Variants in DSCAM observed in about 807,000 individuals in gnomAD.
The protein encoded by DSCAM is cell adhesion molecule DSCAM.
Under a neutral mutation model 217.7 loss-of-function variants are expected in DSCAM, and 47 were observed. The observed-to-expected ratio is 0.22, with a 90% CI of 0.17 to 0.28. DSCAM has a LOEUF of 0.28. Among genes scored for constraint, DSCAM ranks in the 10% least tolerant of loss-of-function variants. The probability of loss-of-function intolerance (pLI) is 1.00; values close to 1 mark genes in which losing one functional copy is unlikely to be tolerated. For synonymous variants in DSCAM, 1,056 were observed against 1,015.3 expected (o/e 1.04, Z -0.76); for missense variants, 2,080 against 2,618.3 (o/e 0.79, Z 4.49).
At chr21:40,111,780 A>G (rs1310795369) in intron 20 of DSCAM, among the ~76,000 whole-genome samples, 1 of 152,124 alleles carries the variant, frequency 6.6e-6, no homozygotes, top group East Asian at 1.9e-4. Context: ...TCTCTGATAA[A>G]ACAGACTTGA....
At chr21:40,061,868 C>A (rs931307599) in intron 28 of DSCAM, among the ~76,000 whole-genome samples, 5 of 152,186 alleles carry the variant, frequency 3.3e-5, no homozygotes, top group African/African-American at 1.2e-4. Context: ...CTCTCTCCCA[C>A]GTAAATCATC....
At position 40,748,705 on chromosome 21, in the gene DSCAM, A is replaced by T. The variant is rs143567275; in HGVS notation, c.44-39934T>A. The stretch of plus-strand genomic sequence containing the variant: ...AATCTCTATAATAAAAATCTCAATG[A>T]CATTCTTCACTGCAATAGAAATAAC... On this transcript the variant is annotated intron_variant, in intron 1 of 32. Coordinates refer to ENST00000400454, the MANE Select transcript of DSCAM (RefSeq NM_001389.5). Among the ~76,000 whole-genome samples, 1,046 of 152,206 alleles carry T rather than the reference A, an allele frequency of 6.9e-3. 14 individuals are homozygous for T. The highest frequency in any genetic ancestry group is 0.024 in the African/African-American group (998 of 41,562).
At chr21:40,733,868 AC>A (rs1447472069) in intron 1 of DSCAM, among the ~76,000 whole-genome samples, 2 of 152,062 alleles carry the variant, frequency 1.3e-5, no homozygotes, top group African/African-American at 4.8e-5. Context: ...CATTGCTGCC[AC>A]CCGTCAGCAC....
chr21:40,022,857 T>C (rs2088299695), intron 32 of DSCAM, among the ~76,000 whole-genome samples: 1 of 152,144 alleles, frequency 6.6e-6, no homozygotes, highest in East Asian at 1.9e-4. Context: ...GGATGTATTT[T>C]AGCAGTATTT....
intron 3 of DSCAM, among the ~76,000 whole-genome samples, chr21:40,423,228 T>C (rs1456758012): frequency 6.6e-6 from 1 of 152,226 alleles, no homozygotes; most frequent in Non-Finnish European, 1.5e-5. Context: ...TAACAGCAAA[T>C]ATATTCATTC....
At chr21:40,549,111 G>A (rs775117438) in intron 3 of DSCAM, among the ~76,000 whole-genome samples, 3 of 152,202 alleles carry the variant, frequency 2.0e-5, no homozygotes, top group African/African-American at 2.4e-5. Context: ...AGGCTGAGGC[G>A]TGAGGATCAC....
chr21:40,499,991 G>A (rs1414737322), intron 3 of DSCAM, among the ~76,000 whole-genome samples: 2 of 152,108 alleles, frequency 1.3e-5, no homozygotes, highest in African/African-American at 2.4e-5. Flanking sequence ...ATGTTGGCTA[G>A]GATGGTCTCG....
At chr21:40,376,796 C>A (rs2123717960) in intron 3 of DSCAM, among the ~76,000 whole-genome samples, 1 of 150,668 alleles carries the variant, frequency 6.6e-6, no homozygotes, top group Admixed American at 6.6e-5. Flanking sequence ...AATTGAGTTG[C>A]CAGATAAAAA....
intron 3 of DSCAM, among the ~76,000 whole-genome samples, chr21:40,570,717 G>A (rs1601753021): frequency 6.6e-6 from 1 of 152,314 alleles, no homozygotes; most frequent in Middle Eastern, 3.4e-3. Flanking sequence ...GAACTATCAG[G>A]ACGTAACTGT....
chr21:40,381,674 G>T lies in DSCAM; in HGVS notation c.509-12429C>A, dbSNP rs528281028. 8.5e-5 allele frequency among the ~76,000 whole-genome samples: 13 copies of T among 152,252 alleles called. No homozygotes were observed. In the East Asian group the frequency reaches 2.5e-3, roughly 29 times the overall value. ...CCTGATACAGATGGCATAGGATTATGGGAAAGAATCTGGAAAAATAGGAAC... is the reference window on the plus strand; with the variant it reads ...CCTGATACAGATGGCATAGGATTATTGGAAAGAATCTGGAAAAATAGGAAC... On this transcript the variant is annotated intron_variant, in intron 3 of 32. Transcript: ENST00000400454.
At chr21:40,132,576 C>G (rs905120187) in intron 19 of DSCAM, among the ~76,000 whole-genome samples, 8 of 152,122 alleles carry the variant, frequency 5.3e-5, no homozygotes, top group African/African-American at 1.9e-4. Flanking sequence ...AAAACTAAAG[C>G]AAATGAGGAT....
intron 3 of DSCAM, among the ~76,000 whole-genome samples, chr21:40,603,607 G>A (rs950560577): frequency 6.6e-6 from 1 of 152,014 alleles, no homozygotes; most frequent in Non-Finnish European, 1.5e-5. Context: ...AGGTTTACTG[G>A]TAACAAATTC....
At chr21:40,397,068 G>C (rs1243884960) in intron 3 of DSCAM, among the ~76,000 whole-genome samples, 2 of 152,050 alleles carry the variant, frequency 1.3e-5, no homozygotes, top group African/African-American at 2.4e-5. Flanking sequence ...TGGTTACATT[G>C]CTTTCATCCT....
chr21:40,355,732 A>C (rs1349221155), intron 4 of DSCAM, among the ~76,000 whole-genome samples: 1 of 152,182 alleles, frequency 6.6e-6, no homozygotes, highest in Non-Finnish European at 1.5e-5. Flanking sequence ...GACTCTTTTG[A>C]TCTACCTGCA....
intron 1 of DSCAM, among the ~76,000 whole-genome samples, chr21:40,767,621 G>T (rs983916051): frequency 6.6e-6 from 1 of 152,174 alleles, no homozygotes; most frequent in Non-Finnish European, 1.5e-5. Context: ...TCAGCCTGTC[G>T]TATATTTAGA....
intron 3 of DSCAM, among the ~76,000 whole-genome samples, chr21:40,660,126 A>G (rs971563111): frequency 1.4e-4 from 22 of 152,326 alleles, no homozygotes; most frequent in Non-Finnish European, 2.6e-4. Context: ...ATCTCAGGAA[A>G]CTGAAACTCC....
intron 18 of DSCAM, among the ~76,000 whole-genome samples, chr21:40,135,473 C>G (rs1453828855): frequency 2.0e-5 from 3 of 152,222 alleles, no homozygotes; most frequent in Admixed American, 6.5e-5. Context: ...TCAAGGAGCC[C>G]AGCACAGTGG....
chr21:40,259,063 G>A (rs59402426), intron 11 of DSCAM, among the ~76,000 whole-genome samples: 11,728 of 152,190 alleles, frequency 0.077, 1,026 homozygotes, highest in East Asian at 0.22. Flanking sequence ...TATTTCTAAC[G>A]TCTGGAAAGA....
chr21:40,248,457 A>T (rs776460810), intron 11 of DSCAM, among the ~76,000 whole-genome samples: 6 of 152,310 alleles, frequency 3.9e-5, no homozygotes, highest in South Asian at 2.1e-4. Context: ...TCAAAGTTCC[A>T]CAAATCTCTA....
Sources: gnomAD v4.1 joint callset for allele counts (sites outside exome capture counted in the v4.1 genomes callset) on GRCh38, gnomAD v4.1.1 for gene constraint, MANE v1.5 for transcripts, NCBI Gene and HGNC (gene_info 2026-07-23, HGNC 2026-07-21) for gene names.